RIN3: variants seen among roughly 807,000 people sequenced by gnomAD.
RIN3 encodes Ras and Rab interactor 3.
In RIN3, 54 loss-of-function variants were observed where a neutral mutation model predicts 76.3. The observed-to-expected ratio is 0.71, with a 90% CI of 0.57 to 0.89. The LOEUF is 0.89. RIN3 is among the 40% of genes least tolerant of loss of function. The pLI is 0.00. For synonymous variants in RIN3, 576 were observed against 564.0 expected (o/e 1.02, Z -0.30); for missense variants, 1,256 against 1,322.1 (o/e 0.95, Z 0.78).
chr14:92,580,820 A>T (rs1263070662), intron 3 of RIN3, among the ~76,000 whole-genome samples: 1 of 152,216 alleles, frequency 6.6e-6, no homozygotes, highest in Non-Finnish European at 1.5e-5. Context: ...CCTGTGCCGC[A>T]TTCCATTGGC....
intron 7 of RIN3, among the ~76,000 whole-genome samples, chr14:92,668,304 A>G (rs1034525020): frequency 3.3e-5 from 5 of 152,190 alleles, no homozygotes; most frequent in African/African-American, 9.7e-5. Flanking sequence ...GAGGTCAGAG[A>G]TGACCTCAGA....
intron 3 of RIN3, among the ~76,000 whole-genome samples, chr14:92,603,824 C>T (rs1205507247): frequency 6.6e-6 from 1 of 152,194 alleles, no homozygotes; most frequent in Non-Finnish European, 1.5e-5. Flanking sequence ...CACCTCAAAG[C>T]CAGTGGGTGC....
chr14:92,571,653 C>CA (rs1898064251), intron 2 of RIN3, among the ~76,000 whole-genome samples: 1 of 152,194 alleles, frequency 6.6e-6, no homozygotes, highest in Non-Finnish European at 1.5e-5. Flanking sequence ...ATGCCAGCCA[C>CA]AAGTGGGCTT....
chr14:92,657,375 A>AG (rs905251756), intron 6 of RIN3, among the ~76,000 whole-genome samples: 1 of 1,498 alleles, frequency 6.7e-4, no homozygotes, highest in African/African-American at 7.7e-4. Flanking sequence ...AACAAAAAAG[A>AG]AAAAAAAAAG....
At chr14:92,539,665 C>T (rs1897088424) in intron 1 of RIN3, among the ~76,000 whole-genome samples, 1 of 152,114 alleles carries the variant, frequency 6.6e-6, no homozygotes, top group Admixed American at 6.5e-5. Context: ...GCAGGACAGG[C>T]AGGCTGAGTC....
At chr14:92,571,641 A>G (rs1898063877) in intron 2 of RIN3, among the ~76,000 whole-genome samples, 1 of 152,214 alleles carries the variant, frequency 6.6e-6, no homozygotes, top group Non-Finnish European at 1.5e-5. Flanking sequence ...CTCCTCCTTC[A>G]GATGCCAGCC....
In RIN3 at chr14:92,619,813, C is replaced by T. The variant is rs143740063; in HGVS notation, c.440+4334C>T. On this transcript the variant is annotated intron_variant, in intron 4 of 9. Coordinates refer to ENST00000216487, the MANE Select transcript of RIN3 (RefSeq NM_024832.5). ...TCTGATAAAGTTTGACTGTTTCCAGCATAGCTAGAAGCGTGGCCAACTCCG... is the reference window on the plus strand; with the variant it reads ...TCTGATAAAGTTTGACTGTTTCCAGTATAGCTAGAAGCGTGGCCAACTCCG... 5.4e-3 allele frequency among the ~76,000 whole-genome samples: 828 copies of T among 152,256 alleles called. 6 individuals are homozygous for T. Among genetic ancestry groups the T allele is most frequent in the African/African-American group, 0.019 (792 of 41,538 alleles).
chr14:92,537,974 C>G (rs375199776), intron 1 of RIN3, among the ~76,000 whole-genome samples: 1 of 152,056 alleles, frequency 6.6e-6, no homozygotes, highest in South Asian at 2.1e-4. Context: ...GTAGCTGGGA[C>G]TACAGGCGCC....
chr14:92,564,830 G>A (rs1177125720), intron 2 of RIN3, among the ~76,000 whole-genome samples: 5 of 152,198 alleles, frequency 3.3e-5, no homozygotes, highest in East Asian at 3.9e-4. Context: ...ACACACGCGC[G>A]CGCGCAGGAA....
chr14:92,568,913 G>A lies in RIN3; in HGVS notation c.250-8447G>A, dbSNP rs1233100142. Among the ~76,000 whole-genome samples the A allele has an allele frequency of 1.3e-5, 2 of 152,134 alleles. No individual in the cohort carries two copies. The highest frequency in any genetic ancestry group is 2.1e-4 in the South Asian group (1 of 4,826). On this transcript the variant is annotated intron_variant, in intron 2 of 9. Coordinates refer to ENST00000216487, the MANE Select transcript of RIN3 (RefSeq NM_024832.5). This position sits in a 1 kb window ranked among gnomAD's most constrained non-coding sequence, Gnocchi z 4.2. ...TGTGTAGATAACACAGCCCAACAGC[G>A]AGAGGGGAGCGAGATGCTTCACCAT...
rs567915230 is a variant in RIN3, at chr14:92,677,467, G to A, written c.2467+861G>A. ...GAGCAGACCCTCTTTGTATCTGTTC[G>A]CATTTTTTTTGCATGTTCCAGTCTC... On this transcript the variant is annotated intron_variant, in intron 8 of 9. Coordinates refer to ENST00000216487, the MANE Select transcript of RIN3 (RefSeq NM_024832.5). Among the ~76,000 whole-genome samples, 8 of 152,246 alleles carry A rather than the reference G, an allele frequency of 5.3e-5. No homozygotes were observed. The East Asian group carries it at 5.8e-4, about 11-fold the overall frequency.
intron 4 of RIN3, among the ~76,000 whole-genome samples, chr14:92,628,402 T>C (rs112520714): frequency 5.1e-4 from 77 of 152,196 alleles, no homozygotes; most frequent in African/African-American, 1.8e-3. Flanking sequence ...GAGCATCCCC[T>C]TTGGGGAGGT....
At chr14:92,640,198 A>G (rs1275533759) in intron 4 of RIN3, among the ~76,000 whole-genome samples, 92 of 36,594 alleles carry the variant, frequency 2.5e-3, no homozygotes, top group Admixed American at 3.2e-3. Context: ...CTGTGTGTTC[A>G]TCGGGGGCTG....
At chr14:92,614,378 A>G (rs1451527165) in intron 3 of RIN3, among the ~76,000 whole-genome samples, 2 of 152,238 alleles carry the variant, frequency 1.3e-5, no homozygotes, top group Non-Finnish European at 2.9e-5. Context: ...AGAATTGCCA[A>G]GTTCTAAGAC....
chr14:92,607,334 G>A (rs903797307), intron 3 of RIN3, among the ~76,000 whole-genome samples: 1 of 152,250 alleles, frequency 6.6e-6, no homozygotes, highest in Non-Finnish European at 1.5e-5. Flanking sequence ...CTCTGGAAAG[G>A]AGTTTGGCAG....
chr14:92,582,453 TTTTTTTTTC>T (rs897834840), intron 3 of RIN3, among the ~76,000 whole-genome samples: 35 of 139,270 alleles, frequency 2.5e-4, no homozygotes, highest in African/African-American at 9.1e-4. Flanking sequence ...TTTTTTTTTT[TTTTTTTTTC>T]CCTGAGATGG....
chr14:92,615,325 G>T, intron 3 of RIN3, 82 bp from the exon 4 acceptor site: 1 of 1,178,102 alleles, frequency 8.5e-7, no homozygotes, highest in South Asian at 1.2e-5. Flanking sequence ...CACGCCCCCC[G>T]ACCCCATCCT....
chr14:92,527,690 C>T (rs1896778047), intron 1 of RIN3, among the ~76,000 whole-genome samples: 1 of 152,126 alleles, frequency 6.6e-6, no homozygotes. Flanking sequence ...TCCGCAGACC[C>T]CCGCGTTTCT....
chr14:92,628,955 A>G, intron 4 of RIN3, among the ~76,000 whole-genome samples: 1 of 151,830 alleles, frequency 6.6e-6, no homozygotes, highest in African/African-American at 2.4e-5. Flanking sequence ...AGAAAGAGAG[A>G]GAAAAAAAAA....
Sources: gnomAD v4.1 joint callset for allele counts (sites outside exome capture counted in the v4.1 genomes callset) on GRCh38, gnomAD v4.1.1 for gene constraint, Gnocchi (gnomAD v3.1) non-coding constraint, MANE v1.5 for transcripts, NCBI Gene and HGNC (gene_info 2026-07-23, HGNC 2026-07-21) for gene names.